HEATR4: variants seen among roughly 807,000 people sequenced by gnomAD.
HEATR4 encodes the protein HEAT repeat containing 4.
HEATR4 carries 95 observed loss-of-function variants against 108.8 expected under a neutral mutation model. That is an observed-to-expected ratio of 0.87 (90% CI 0.74 to 1.04). The LOEUF is 1.04. HEATR4 is among the 50% of genes least tolerant of loss of function. HEATR4 has a pLI of 0.00. For missense variants in HEATR4, 1,152 were observed against 1,253.8 expected (o/e 0.92, Z 1.23); for synonymous variants, 443 against 459.4 (o/e 0.96, Z 0.46).
the HEATR4 span, among the ~76,000 whole-genome samples, chr14:73,610,004 G>C: frequency 6.6e-6 from 1 of 151,500 alleles, no homozygotes; most frequent in African/African-American, 2.4e-5. Flanking sequence ...AGGAGTGTGT[G>C]CCACTGCCAA....
intron 14 of HEATR4, among the ~76,000 whole-genome samples, chr14:73,497,303 G>A (rs2140256580): frequency 6.6e-6 from 1 of 152,236 alleles, no homozygotes; most frequent in Admixed American, 6.5e-5. Flanking sequence ...GCCTCCCAAA[G>A]TGTTGGGATT....
the HEATR4 span, among the ~76,000 whole-genome samples, chr14:73,630,044 A>C: frequency 6.6e-6 from 1 of 152,134 alleles, no homozygotes; most frequent in African/African-American, 2.4e-5. Context: ...AAAAATAAAA[A>C]ACAAAAAAAT....
chr14:73,604,164 C>CTTTTT, the HEATR4 span, among the ~76,000 whole-genome samples: 34,970 of 118,536 alleles, frequency 0.3, 6,136 homozygotes, highest in East Asian at 0.58. Flanking sequence ...TTGCTAATTT[C>CTTTTT]TTTTTTTTTT....
At chr14:73,574,555 TC>T in the HEATR4 span, 1 of 441,150 alleles carries the variant, frequency 2.3e-6, no homozygotes, top group Non-Finnish European at 4.2e-6. Context: ...CAGCCACCAC[TC>T]CCGGCCATGA....
the HEATR4 span, among the ~76,000 whole-genome samples, chr14:73,615,388 TAAAAAA>T: frequency 9.5e-5 from 6 of 63,330 alleles, no homozygotes; most frequent in African/African-American, 6.0e-4. Flanking sequence ...CTCTGTCTGA[TAAAAAA>T]AAAAAAAAAA....
At chr14:73,494,156 G>A (rs1485818806) in intron 16 of HEATR4, among the ~76,000 whole-genome samples, 1 of 152,134 alleles carries the variant, frequency 6.6e-6, no homozygotes, top group Admixed American at 6.6e-5. Context: ...CTGGCAGTTC[G>A]AAGAAACTTC....
chr14:73,503,163 A>T, intron 10 of HEATR4, 150 bp from the exon 11 acceptor site: 2 of 646,990 alleles, frequency 3.1e-6, no homozygotes, highest in Non-Finnish European at 5.5e-6. Flanking sequence ...TCTCCCAAAG[A>T]ATCCAGTGGG....
the HEATR4 span, among the ~76,000 whole-genome samples, chr14:73,587,946 C>G: frequency 6.6e-6 from 1 of 152,084 alleles, no homozygotes; most frequent in Non-Finnish European, 1.5e-5. Context: ...CTTCCAAATT[C>G]CTTAATTTGC....
At chr14:73,520,717 G>T in intron 4 of HEATR4, 135 bp downstream of exon 4, 1 of 765,624 alleles carries the variant, frequency 1.3e-6, no homozygotes, top group Non-Finnish European at 2.2e-6. Context: ...TGTGGGTGCT[G>T]GGTCATGAAC....
At chr14:73,621,295 G>T in the HEATR4 span, among the ~76,000 whole-genome samples, 1 of 152,140 alleles carries the variant, frequency 6.6e-6, no homozygotes, top group Non-Finnish European at 1.5e-5. Flanking sequence ...TTTGCCAGGG[G>T]ATTCCCAGTC....
chr14:73,518,804 C>A (rs1024178619), intron 5 of HEATR4, among the ~76,000 whole-genome samples: 2 of 152,164 alleles, frequency 1.3e-5, no homozygotes, highest in African/African-American at 2.4e-5. Context: ...TATATCAGAT[C>A]TCAAGTGATT....
chr14:73,553,839 A>C (rs1393376141), intron 1 of HEATR4, among the ~76,000 whole-genome samples: 1 of 114,486 alleles, frequency 8.7e-6, no homozygotes, highest in Non-Finnish European at 1.9e-5. Context: ...ACTAGGCCCC[A>C]ATAGACAAGA....
intron 17 of HEATR4, among the ~76,000 whole-genome samples, chr14:73,487,684 T>A (rs1005421556): frequency 2.6e-5 from 4 of 152,196 alleles, no homozygotes; most frequent in Admixed American, 6.5e-5. Flanking sequence ...AGGAAGTCTT[T>A]TCCTTGAATT....
At position 73,508,237 on chromosome 14, in the gene HEATR4, G is replaced by GT. The variant is rs768672252; in HGVS notation, c.1777dup (p.Thr593AsnfsTer6). The stretch of plus-strand genomic sequence containing the variant: ...GAGGATCCTCTTAATCACAGGGTAA[G>GT]TAGCAGTACCTTCCAGAGCCAAGCA... On this transcript the variant is annotated frameshift_variant, in exon 9 of 18. Coordinates refer to ENST00000553558, the MANE Select transcript of HEATR4 (RefSeq NM_001220484.1). LOFTEE classifies it high-confidence loss of function. 1 of 1,613,972 alleles carries GT rather than the reference G, an allele frequency of 6.2e-7. No individual in the cohort carries two copies. The highest frequency in any genetic ancestry group is 1.1e-5 in the South Asian group (1 of 91,076).
the HEATR4 span, among the ~76,000 whole-genome samples, chr14:73,597,323 A>G: frequency 6.6e-6 from 1 of 151,730 alleles, no homozygotes; most frequent in African/African-American, 2.4e-5. Flanking sequence ...TGACCTCGTG[A>G]TCCACCCGCC....
intron 1 of HEATR4, among the ~76,000 whole-genome samples, chr14:73,553,242 C>G (rs1365498746): frequency 8.7e-6 from 1 of 114,800 alleles, no homozygotes; most frequent in Non-Finnish European, 1.9e-5. Flanking sequence ...CATGGTGGCT[C>G]ACACCTGTAA....
chr14:73,595,085 C>G, the HEATR4 span: 1 of 1,614,104 alleles, frequency 6.2e-7, no homozygotes, highest in Non-Finnish European at 8.5e-7. Flanking sequence ...GGGCATTTCT[C>G]TAGGAGCTGA....
chr14:73,491,494 G>T lies in HEATR4; in HGVS notation c.2844+1572C>A, dbSNP rs746737451. Reference sequence around the variant, plus strand: ...CCGCGCAACACTTAGCGGCCGTCCAGTCGTCCGGGGCCCCTGCGACGGCGT... The same window carrying T: ...CCGCGCAACACTTAGCGGCCGTCCATTCGTCCGGGGCCCCTGCGACGGCGT... On this transcript the variant is annotated intron_variant, in intron 17 of 17. Transcript: ENST00000553558. 7.3e-6 allele frequency: 11 copies of T among 1,506,900 alleles called. No homozygotes were observed. In the East Asian group the frequency reaches 2.7e-4, roughly 37 times the overall value. The allele number at this position is 1,506,900 out of a possible 1,614,324, so 93.3% of individuals were successfully genotyped here. A position where few individuals can be genotyped will look rare whatever the true frequency, so the allele number is the denominator to read the frequency against.
intron 17 of HEATR4, chr14:73,491,047 G>C (rs765483658): frequency 1.3e-6 from 2 of 1,587,232 alleles, no homozygotes; most frequent in East Asian, 2.3e-5. Flanking sequence ...GTGCAGGGCC[G>C]TTGAGGCGCG....
Sources: gnomAD v4.1 joint callset for allele counts (sites outside exome capture counted in the v4.1 genomes callset) on GRCh38, gnomAD v4.1.1 for gene constraint, MANE v1.5 for transcripts, NCBI Gene and HGNC (gene_info 2026-07-23, HGNC 2026-07-21) for gene names.